ROBO2: variants seen among roughly 807,000 people sequenced by gnomAD.
The protein encoded by ROBO2 is roundabout homolog 2.
ROBO2 carries 53 observed loss-of-function variants against 160.8 expected under a neutral mutation model. That is an observed-to-expected ratio of 0.33 (90% CI 0.26 to 0.41). The LOEUF (loss-of-function observed/expected upper bound fraction) is 0.41. Ranked by LOEUF, ROBO2 falls within the 10% of genes least tolerant of loss-of-function variation. The probability of loss-of-function intolerance (pLI) is 1.00; values close to 1 mark genes in which losing one functional copy is unlikely to be tolerated. For missense variants in ROBO2, 1,577 were observed against 1,722.4 expected (o/e 0.92, Z 1.49); for synonymous variants, 664 against 611.7 (o/e 1.09, Z -1.26).
At chr3:76,201,889 C>CAA (rs3039047) in intron 2 of ROBO2, among the ~76,000 whole-genome samples, 140 of 105,544 alleles carry the variant, frequency 1.3e-3, no homozygotes, top group Middle Eastern at 5.7e-3. Flanking sequence ...CGAGAAATGT[C>CAA]AAAAAAAAAA....
chr3:77,475,053 A>C (rs934717593), intron 2 of ROBO2, among the ~76,000 whole-genome samples: 1 of 145,544 alleles, frequency 6.9e-6, no homozygotes, highest in African/African-American at 2.5e-5. Flanking sequence ...CCTGCTGAAA[A>C]GCATGTTTTT....
intron 2 of ROBO2, among the ~76,000 whole-genome samples, chr3:77,441,133 G>A (rs2079879277): frequency 6.6e-6 from 1 of 151,750 alleles, no homozygotes; most frequent in Admixed American, 6.6e-5. Flanking sequence ...CTTTCACTGG[G>A]GCTTGTCCCC....
At chr3:77,592,558 A>AT (rs1458137785) in intron 17 of ROBO2, among the ~76,000 whole-genome samples, 1 of 151,826 alleles carries the variant, frequency 6.6e-6, no homozygotes, top group Non-Finnish European at 1.5e-5. Flanking sequence ...TAAATATATA[A>AT]TTTTTTCTTT....
At chr3:76,270,471 T>A (rs1268901024) in intron 2 of ROBO2, among the ~76,000 whole-genome samples, 1 of 152,074 alleles carries the variant, frequency 6.6e-6, no homozygotes, top group Non-Finnish European at 1.5e-5. Flanking sequence ...TAGACTACGA[T>A]GTAGCAAGAT....
At chr3:76,894,636 TATC>T (rs1444877950) in intron 2 of ROBO2, among the ~76,000 whole-genome samples, 2 of 152,138 alleles carry the variant, frequency 1.3e-5, no homozygotes, top group African/African-American at 4.8e-5. Context: ...GTCAGTAAGT[TATC>T]ATAGTTCTCA....
intron 8 of ROBO2, among the ~76,000 whole-genome samples, chr3:77,553,963 C>A (rs2093018682): frequency 6.6e-6 from 1 of 151,946 alleles, no homozygotes; most frequent in Admixed American, 6.6e-5. Context: ...GTAGACAAAG[C>A]ATGCATATAT....
chr3:76,909,749 A>G (rs976051960), intron 2 of ROBO2, among the ~76,000 whole-genome samples: 2 of 152,206 alleles, frequency 1.3e-5, no homozygotes, highest in Admixed American at 6.5e-5. Flanking sequence ...GTTAAAATCA[A>G]AAGTTAAGAC....
At chr3:77,482,844 A>G (rs2084868233) in intron 4 of ROBO2, among the ~76,000 whole-genome samples, 1 of 151,926 alleles carries the variant, frequency 6.6e-6, no homozygotes, top group Non-Finnish European at 1.5e-5. Flanking sequence ...TGTAACTACC[A>G]CAAACTCTGG....
intron 2 of ROBO2, among the ~76,000 whole-genome samples, chr3:76,657,758 AT>A (rs1560319969): frequency 1.4e-5 from 2 of 146,898 alleles, no homozygotes; most frequent in African/African-American, 5.0e-5. Context: ...ATATATGTAT[AT>A]ATATATGTTC....
intron 2 of ROBO2, among the ~76,000 whole-genome samples, chr3:76,184,942 C>T (rs1421327497): frequency 6.6e-6 from 1 of 151,684 alleles, no homozygotes; most frequent in African/African-American, 2.4e-5. Flanking sequence ...AGTGCCTTCC[C>T]ACATCGATGG....
At chr3:77,243,402 T>C (rs1560325314) in intron 2 of ROBO2, among the ~76,000 whole-genome samples, 1 of 152,196 alleles carries the variant, frequency 6.6e-6, no homozygotes, top group Non-Finnish European at 1.5e-5. Context: ...GTGAGAAGTC[T>C]TAGGAGCAAC....
chr3:77,028,772 A>G (rs2063133641), intron 2 of ROBO2, among the ~76,000 whole-genome samples: 2 of 152,210 alleles, frequency 1.3e-5, no homozygotes, highest in African/African-American at 4.8e-5. Context: ...GGTCCTATGC[A>G]CACAGGACTT....
chr3:76,058,444 T>A (rs2067933016), intron 2 of ROBO2, among the ~76,000 whole-genome samples: 1 of 152,200 alleles, frequency 6.6e-6, no homozygotes, highest in Non-Finnish European at 1.5e-5. Flanking sequence ...TAAGTTCATA[T>A]TTTAAATGTA....
intron 2 of ROBO2, among the ~76,000 whole-genome samples, chr3:77,429,333 T>A (rs2078535377): frequency 6.6e-6 from 1 of 152,162 alleles, no homozygotes; most frequent in Non-Finnish European, 1.5e-5. Context: ...ATGACACATA[T>A]TTTTAAGCCA....
At chr3:77,541,377 C>T (rs2092453499) in intron 6 of ROBO2, among the ~76,000 whole-genome samples, 1 of 152,220 alleles carries the variant, frequency 6.6e-6, no homozygotes, top group African/African-American at 2.4e-5. Context: ...CACTCACTCT[C>T]ACCAGCAGGC....
chr3:76,899,100 A>G (rs935733681), intron 2 of ROBO2, among the ~76,000 whole-genome samples: 3 of 152,116 alleles, frequency 2.0e-5, no homozygotes, highest in Admixed American at 6.6e-5. Context: ...TGCTTTCTCC[A>G]AATGGAAAAT....
intron 2 of ROBO2, among the ~76,000 whole-genome samples, chr3:76,321,112 A>C (rs28427230): frequency 6.6e-6 from 1 of 151,982 alleles, no homozygotes; most frequent in Non-Finnish European, 1.5e-5. Flanking sequence ...ATATTGTACA[A>C]TGCATGACCT....
intron 2 of ROBO2, among the ~76,000 whole-genome samples, chr3:77,122,231 G>A (rs1014817348): frequency 2.0e-5 from 3 of 152,186 alleles, no homozygotes; most frequent in Non-Finnish European, 2.9e-5. Context: ...TGAAAGGTGT[G>A]TGTGTGTGTT....
chr3:77,007,150 A>G (rs1440085878), intron 2 of ROBO2, among the ~76,000 whole-genome samples: 2 of 152,242 alleles, frequency 1.3e-5, no homozygotes, highest in South Asian at 2.1e-4. Context: ...CCTTCTTCCA[A>G]CTGGCATCAA....
Sources: allele counts gnomAD v4.1 joint callset (sites outside exome capture counted in the v4.1 genomes callset), GRCh38; gene constraint gnomAD v4.1.1; transcripts MANE v1.5; gene names NCBI Gene and HGNC (gene_info 2026-07-23, HGNC 2026-07-21).